The following CXCL13 variants were observed in gnomAD, a reference collection of about 807,000 sequenced individuals.
The protein encoded by CXCL13 is C-X-C motif chemokine 13.
A neutral mutation model predicts 12.2 loss-of-function variants in CXCL13; 7 were observed. The observed-to-expected ratio is 0.57, with a 90% CI of 0.33 to 1.07. The LOEUF (loss-of-function observed/expected upper bound fraction) is 1.07. Ranked by LOEUF, CXCL13 falls within the 50% of genes least tolerant of loss-of-function variation. CXCL13 has a pLI of 0.04. For missense variants in CXCL13, 113 were observed against 127.4 expected (o/e 0.89, Z 0.55); for synonymous variants, 47 against 42.4 (o/e 1.11, Z -0.42).
intron 1 of CXCL13, among the ~76,000 whole-genome samples, chr4:77,532,943 T>A (rs1311719801): frequency 1.3e-5 from 2 of 151,606 alleles, no homozygotes; most frequent in Non-Finnish European, 2.9e-5. Flanking sequence ...TTCATCTAAT[T>A]TTTTTTTAGG....
intron 1 of CXCL13, among the ~76,000 whole-genome samples, chr4:77,532,457 TTC>T (rs1724951715): frequency 1.3e-5 from 2 of 152,186 alleles, no homozygotes; most frequent in African/African-American, 4.8e-5. Context: ...AACCTGACCT[TTC>T]TCTCTGGCTG....
intron 1 of CXCL13, among the ~76,000 whole-genome samples, chr4:77,512,583 C>A (rs1312531049): frequency 6.6e-6 from 1 of 152,084 alleles, no homozygotes; most frequent in Non-Finnish European, 1.5e-5. Flanking sequence ...TCCAAATTTT[C>A]TCTTCTTATA....
At chr4:77,544,942 TC>T (rs1725315501) in intron 1 of CXCL13, among the ~76,000 whole-genome samples, 1 of 152,214 alleles carries the variant, frequency 6.6e-6, no homozygotes, top group Non-Finnish European at 1.5e-5. Context: ...AAGGAAGGGA[TC>T]CAGCTTCAGC....
intron 1 of CXCL13, among the ~76,000 whole-genome samples, chr4:77,580,288 TA>T (rs1726288744): frequency 7.7e-6 from 1 of 129,328 alleles, no homozygotes; most frequent in African/African-American, 2.8e-5. Context: ...ATATATTTTT[TA>T]AAAAGACAAG....
At chr4:77,605,790 A>T (rs1200171385), upstream of CXCL13, 2 of 865,040 alleles carry the variant, frequency 2.3e-6, no homozygotes, top group East Asian at 2.7e-5. Flanking sequence ...ACTGGTATAA[A>T]TAAATAGGAG....
At chr4:77,544,217 G>A (rs1333477478) in intron 1 of CXCL13, among the ~76,000 whole-genome samples, 1 of 152,182 alleles carries the variant, frequency 6.6e-6, no homozygotes, top group African/African-American at 2.4e-5. Flanking sequence ...ATGTGTGCAT[G>A]TGTCTTTATA....
intron 1 of CXCL13, among the ~76,000 whole-genome samples, chr4:77,543,328 T>A (rs554498034): frequency 6.6e-6 from 1 of 152,258 alleles, no homozygotes; most frequent in African/African-American, 2.4e-5. Flanking sequence ...GTTTCATTGA[T>A]TCTTTGTATG....
intron 1 of CXCL13, among the ~76,000 whole-genome samples, chr4:77,513,367 A>C (rs1724319405): frequency 6.6e-6 from 1 of 152,100 alleles, no homozygotes; most frequent in Non-Finnish European, 1.5e-5. Context: ...ACTGTCTTCC[A>C]CAATGGTTGA....
At chr4:77,575,219 A>G (rs542693040) in intron 1 of CXCL13, among the ~76,000 whole-genome samples, 100 of 152,104 alleles carry the variant, frequency 6.6e-4, no homozygotes, top group Middle Eastern at 3.4e-3. Flanking sequence ...TTTCTGAGTC[A>G]TCATTTTGGC....
chr4:77,519,108 T>C (rs1724506454), intron 1 of CXCL13, among the ~76,000 whole-genome samples: 3 of 152,092 alleles, frequency 2.0e-5, no homozygotes, highest in Admixed American at 2.0e-4. Flanking sequence ...AGAGCAGTGG[T>C]TTTTTGTGAA....
chr4:77,577,745 G>C lies in CXCL13; in HGVS notation c.-42-28079G>C, dbSNP rs75107473. Among the ~76,000 whole-genome samples the C allele has an allele frequency of 3.2e-3, 484 of 152,248 alleles. 3 individuals are homozygous for C. The highest frequency in any genetic ancestry group is 0.011 in the African/African-American group (461 of 41,538). On this transcript the variant is annotated intron_variant, in intron 1 of 4. Coordinates refer to the CXCL13 transcript ENST00000286758. ...GGGATATAAGAACAGAAGAAAGAAAGAGGAATATCTCACTTTCTCTCCCTC... is the reference window on the plus strand; with the variant it reads ...GGGATATAAGAACAGAAGAAAGAAACAGGAATATCTCACTTTCTCTCCCTC...
chr4:77,584,828 T>C (rs531426938), intron 1 of CXCL13, among the ~76,000 whole-genome samples: 2 of 152,140 alleles, frequency 1.3e-5, no homozygotes, highest in East Asian at 3.9e-4. Context: ...CTGCTTTTTC[T>C]CCTCTAGGTT....
intron 1 of CXCL13, among the ~76,000 whole-genome samples, chr4:77,560,492 T>C (rs1286248133): frequency 6.6e-6 from 1 of 152,222 alleles, no homozygotes; most frequent in Non-Finnish European, 1.5e-5. Flanking sequence ...AGAATCATTT[T>C]ATTAAAGTTC....
intron 1 of CXCL13, among the ~76,000 whole-genome samples, chr4:77,553,934 T>C (rs1725595341): frequency 6.6e-6 from 1 of 152,118 alleles, no homozygotes; most frequent in African/African-American, 2.4e-5. Context: ...GCTAAATGAG[T>C]AGACTATGGC....
At chr4:77,521,663 A>C (rs1205135760) in intron 1 of CXCL13, among the ~76,000 whole-genome samples, 4 of 151,940 alleles carry the variant, frequency 2.6e-5, no homozygotes, top group Non-Finnish European at 5.9e-5. Flanking sequence ...TTTAAAAAAA[A>C]CAGCTCCTGG....
At chr4:77,520,196 G>A (rs574362964) in intron 1 of CXCL13, among the ~76,000 whole-genome samples, 47 of 152,186 alleles carry the variant, frequency 3.1e-4, no homozygotes, top group Non-Finnish European at 4.0e-4. Context: ...TTGGCAATGC[G>A]GGCTCTTTTT....
rs147155336 is a variant in CXCL13 at position 77,553,514 on chromosome 4, C to A, written c.-43+41726C>A. ...AGTATAGCTCCAGGGCCTGGGAAAA[C>A]AAAGTGCTCTCCCTTGGCCTGAATT... On this transcript the variant is annotated intron_variant, in intron 1 of 4. Transcript: ENST00000286758. Among the ~76,000 whole-genome samples, 676 of 152,346 alleles carry A rather than the reference C, an allele frequency of 4.4e-3. 19 individuals are homozygous for A. Among genetic ancestry groups the A allele is most frequent in the East Asian group, 0.028 (143 of 5,190 alleles).
intron 1 of CXCL13, among the ~76,000 whole-genome samples, chr4:77,528,172 T>C (rs1029957042): frequency 6.6e-6 from 1 of 152,226 alleles, no homozygotes; most frequent in African/African-American, 2.4e-5. Context: ...CTTAATCCAG[T>C]CTATCATTGT....
In CXCL13 at chr4:77,581,636, T is replaced by C. The variant is rs1041368630; in HGVS notation, c.-42-24188T>C. The stretch of plus-strand genomic sequence containing the variant: ...ACTAGATCCTTTTTAATTCAACAAA[T>C]ACGTATTGAGTATGTATTAGGTGCC... On this transcript the variant is annotated intron_variant, in intron 1 of 4. Coordinates refer to the CXCL13 transcript ENST00000286758. Among the ~76,000 whole-genome samples the C allele has an allele frequency of 3.5e-4, 53 of 152,170 alleles. 1 individual carries two copies. Among genetic ancestry groups the C allele is most frequent in the Non-Finnish European group, 8.8e-5 (6 of 68,036 alleles).
Sources: allele counts gnomAD v4.1 joint callset (sites outside exome capture counted in the v4.1 genomes callset), GRCh38; gene constraint gnomAD v4.1.1; transcripts MANE v1.5; gene names NCBI Gene and HGNC (gene_info 2026-07-23, HGNC 2026-07-21).